The following NOS1 variants were observed in gnomAD, a reference collection of about 807,000 sequenced individuals.
NOS1 encodes the protein nitric oxide synthase 1, also known as NOS type I.
Under a neutral mutation model 164.5 loss-of-function variants are expected in NOS1, and 51 were observed. That is an observed-to-expected ratio of 0.31 (90% CI 0.25 to 0.39). The LOEUF is 0.39. NOS1 is among the 10% of genes least tolerant of loss of function. NOS1 has a pLI of 1.00. For missense variants in NOS1, 1,362 were observed against 1,885.6 expected (o/e 0.72, Z 5.14); for synonymous variants, 719 against 745.8 (o/e 0.96, Z 0.59).
intron 3 of NOS1, among the ~76,000 whole-genome samples, chr12:117,310,958 C>T (rs996639136): frequency 1.3e-5 from 2 of 152,124 alleles, no homozygotes; most frequent in Admixed American, 6.6e-5. Context: ...TTCCGCCTCC[C>T]AGGTTCACAC....
chr12:117,341,220 T>G (rs1232987398), intron 1 of NOS1, among the ~76,000 whole-genome samples: 1 of 152,180 alleles, frequency 6.6e-6, no homozygotes, highest in Non-Finnish European at 1.5e-5. Context: ...TACGGACACG[T>G]GGACTGGTCC....
chr12:117,343,611 C>T (rs17617937), intron 1 of NOS1, among the ~76,000 whole-genome samples: 6,157 of 152,236 alleles, frequency 0.04, 150 homozygotes, highest in East Asian at 0.11. Context: ...AGATGGACAC[C>T]GTAAAGGGCA....
chr12:117,293,107 C>T lies in NOS1; in HGVS notation c.853-2681G>A, dbSNP rs76639156. Among the ~76,000 whole-genome samples, 895 of 152,210 alleles carry T rather than the reference C, an allele frequency of 5.9e-3. 21 individuals carry two copies. In the East Asian group the frequency reaches 0.079, roughly 13 times the overall value. ...AGAACTATCATGGCCACCTTTGCAG[C>T]CAGCGGAATAAGAGTTCTGAGTTCT... On this transcript the variant is annotated intron_variant, in intron 3 of 28. Coordinates refer to ENST00000317775, the MANE Select transcript of NOS1 (RefSeq NM_000620.5).
intron 27 of NOS1, among the ~76,000 whole-genome samples, chr12:117,219,459 A>G (rs1474093419): frequency 6.6e-6 from 1 of 152,058 alleles, no homozygotes; most frequent in Non-Finnish European, 1.5e-5. Context: ...GGTGCCCGCC[A>G]CCATAGCCAG....
intron 11 of NOS1, among the ~76,000 whole-genome samples, chr12:117,267,514 G>A (rs1320072007): frequency 6.6e-6 from 1 of 151,996 alleles, no homozygotes; most frequent in Non-Finnish European, 1.5e-5. Context: ...TTGGACCCGG[G>A]AGGTGGAGGT....
chr12:117,284,137 T>C (rs2136016352), intron 7 of NOS1, among the ~76,000 whole-genome samples: 1 of 152,276 alleles, frequency 6.6e-6, no homozygotes, highest in East Asian at 1.9e-4. Flanking sequence ...AGAAAACCCA[T>C]GTTTCATGCA....
intron 15 of NOS1, 58 bp from the exon 16 acceptor site, chr12:117,258,513 C>G (rs373684705): frequency 1.3e-6 from 2 of 1,563,152 alleles, no homozygotes; most frequent in African/African-American, 2.7e-5. Flanking sequence ...GAAATCAGGT[C>G]GGATACTGAG....
At chr12:117,253,881 T>C (rs1871265012) in intron 16 of NOS1, 127 bp from the exon 17 acceptor site, 1 of 672,006 alleles carries the variant, frequency 1.5e-6, no homozygotes, top group Non-Finnish European at 2.7e-6. Flanking sequence ...AGTCAAACCA[T>C]AACACTCCCA....
In NOS1 at chr12:117,258,835, T is replaced by G. The variant is rs1264740313; in HGVS notation, c.2472+191A>C. Among the ~76,000 whole-genome samples the G allele has an allele frequency of 2.0e-5, 3 of 152,212 alleles. No individual in the cohort carries two copies. The East Asian group carries it at 5.8e-4, about 29-fold the overall frequency. On this transcript the variant is annotated intron_variant, in intron 15 of 28. Transcript: ENST00000317775. The stretch of plus-strand genomic sequence containing the variant: ...TTTTCACCAGGGACTTGCTAACTAA[T>G]GGACGCCAGTAGACTGAGTACTTGG...
At chr12:117,295,656 C>T (rs1277352362) in intron 3 of NOS1, among the ~76,000 whole-genome samples, 9 of 134,032 alleles carry the variant, frequency 6.7e-5, no homozygotes, top group Non-Finnish European at 1.4e-4. Context: ...CTCACTCTGT[C>T]GCCCAGGCTG....
In NOS1 at chr12:117,247,515, C is replaced by G. The variant is rs1411702476; in HGVS notation, c.2656G>C (p.Val886Leu). Residue 886 changes from valine (V) to leucine (L), a missense_variant, in exon 18 of 29, where the codon GTT becomes CTT. This residue lies in a region of NOS1 where 737 missense variants were observed against 1,030.3 expected (regional missense o/e 0.72). Coordinates refer to ENST00000317775, the MANE Select transcript of NOS1 (RefSeq NM_000620.5). The part of the protein sequence containing the change: ...AGPLANVRFS[V>L]FGLGSRAYPH... The stretch of plus-strand genomic sequence containing the variant: ...TATGCTCGTGAGCCGAGGCCAAAAA[C>G]TGAGAACCTGTCAAGGAGATGACAG... 1 of 1,608,728 alleles carries G rather than the reference C, an allele frequency of 6.2e-7. No individual in the cohort carries two copies. Among genetic ancestry groups the G allele is most frequent in the Non-Finnish European group, 8.5e-7 (1 of 1,177,748 alleles).
intron 20 of NOS1, among the ~76,000 whole-genome samples, chr12:117,237,904 G>A (rs978066592): frequency 3.9e-5 from 6 of 152,112 alleles, no homozygotes; most frequent in African/African-American, 1.4e-4. Flanking sequence ...AGTGGGTGGT[G>A]ATGGGTTGAG....
chr12:117,208,602 G>A lies in NOS1; in HGVS notation c.*6707C>T. The A allele has an allele frequency of 8.5e-7, 1 of 1,183,024 alleles. No individual in the cohort carries two copies. The highest frequency in any genetic ancestry group is 1.1e-6 in the Non-Finnish European group (1 of 937,060). 73.3% of individuals were successfully genotyped at this position (1,183,024 alleles called of 1,614,324 possible). On this transcript the variant is annotated 3_prime_UTR_variant, in exon 29 of 29. Transcript: ENST00000317775. ...TGAAAACAGTGGCGGCAGAGCACAGGACATGGGAGGGGACTGAGACCCAGC... is the reference window on the plus strand; with the variant it reads ...TGAAAACAGTGGCGGCAGAGCACAGAACATGGGAGGGGACTGAGACCCAGC...
intron 22 of NOS1, 111 bp from the exon 23 acceptor site, chr12:117,227,752 T>G: frequency 1.0e-6 from 1 of 962,468 alleles, no homozygotes; most frequent in Non-Finnish European, 1.6e-6. Flanking sequence ...AGTTGGCAGG[T>G]GCAGTGGCTC....
chr12:117,276,523 T>C (rs1406181232), intron 9 of NOS1, among the ~76,000 whole-genome samples: 1 of 152,218 alleles, frequency 6.6e-6, no homozygotes, highest in African/African-American at 2.4e-5. Flanking sequence ...CCTCAGGTGA[T>C]CCTTCTGCTT....
chr12:117,260,458 C>T lies in NOS1; in HGVS notation c.2367+7G>A, dbSNP rs751014344. 1.9e-6 allele frequency: 3 copies of T among 1,613,028 alleles called. No individual in the cohort carries two copies. Among genetic ancestry groups the T allele is most frequent in the Admixed American group, 1.7e-5 (1 of 59,996 alleles). On this transcript the variant is annotated splice_region_variant and intron_variant, in intron 14 of 28. Transcript: ENST00000317775. ...AGCTGGTGGAGCTAGGGCTACCCCC[C>T]ACCTACCTTGGCATCAAAGGCGTGT... is the stretch of plus-strand genomic sequence containing the variant.
chr12:117,321,610 C>T (rs958784880), intron 2 of NOS1, among the ~76,000 whole-genome samples: 6 of 152,074 alleles, frequency 3.9e-5, no homozygotes, highest in South Asian at 2.1e-4. Flanking sequence ...GAGCTGCTTA[C>T]GTTCAAGTGG....
intron 1 of NOS1, among the ~76,000 whole-genome samples, chr12:117,355,732 T>C (rs1464119173): frequency 6.6e-6 from 1 of 152,190 alleles, no homozygotes; most frequent in Admixed American, 6.5e-5. Flanking sequence ...TGGCTAACTC[T>C]TTTTTATTTA....
chr12:117,357,936 A>T (rs1428981207), intron 1 of NOS1, among the ~76,000 whole-genome samples: 3 of 152,238 alleles, frequency 2.0e-5, no homozygotes, highest in Admixed American at 2.0e-4. Context: ...TCCAGATTAA[A>T]ATGGGTCCTG....
Sources: allele counts gnomAD v4.1 joint callset (sites outside exome capture counted in the v4.1 genomes callset), GRCh38; gene constraint gnomAD v4.1.1; regional missense constraint gnomAD v4.1.1; transcripts MANE v1.5; gene names NCBI Gene and HGNC (gene_info 2026-07-23, HGNC 2026-07-21).